The following ZNF717 variants were observed in gnomAD, a reference collection of about 807,000 sequenced individuals.
The protein encoded by ZNF717 is krueppel-like factor X17.
In ZNF717, 9 loss-of-function variants were observed where a neutral mutation model predicts 13.8. The observed-to-expected ratio is 0.65, with a 90% confidence interval of 0.39 to 1.14. The LOEUF (loss-of-function observed/expected upper bound fraction) is 1.14. ZNF717 is among the 50% of genes most tolerant of loss of function. The pLI is 0.01. For synonymous variants in ZNF717, 327 were observed against 364.1 expected (o/e 0.90, Z 1.16); for missense variants, 1,040 against 1,080.7 (o/e 0.96, Z 0.53).
intron 2 of ZNF717, among the ~76,000 whole-genome samples, chr3:75,772,104 C>A (rs1200128860): frequency 6.6e-6 from 1 of 152,262 alleles, no homozygotes; most frequent in Non-Finnish European, 1.5e-5. Flanking sequence ...TCAGCTCAAA[C>A]AGCCTGGGCA....
intron 2 of ZNF717, among the ~76,000 whole-genome samples, chr3:75,762,316 C>T (rs1943102395): frequency 6.6e-6 from 1 of 151,722 alleles, no homozygotes; most frequent in South Asian, 2.1e-4. Flanking sequence ...TGGCGTGCAC[C>T]TGTGATCCCA....
chr3:75,758,872 A>G (rs1027714365), intron 2 of ZNF717, among the ~76,000 whole-genome samples: 28 of 152,142 alleles, frequency 1.8e-4, no homozygotes, highest in African/African-American at 6.7e-4. Flanking sequence ...ACATGGTGGC[A>G]CGCACCTGTA....
rs1292332697 is a variant in ZNF717, at chr3:75,736,137, G to A, written c.*741C>T. On this transcript the variant is annotated 3_prime_UTR_variant, in exon 5 of 5. Coordinates refer to ENST00000652011, the MANE Select transcript of ZNF717 (RefSeq NM_001290208.3). ...CTCTATGGAAGATAGCAAACGTGAT[G>A]GAAAAATGTTGTGTTTGACTGCTTC... 6.6e-6 allele frequency: 1 copy of A among 152,298 alleles called. No homozygotes were observed. Among genetic ancestry groups the A allele is most frequent in the Non-Finnish European group, 1.5e-5 (1 of 68,088 alleles). The allele number at this position is 152,298 out of a possible 1,614,324, so 9.4% of individuals were successfully genotyped here.
At chr3:75,774,641 G>C (rs1944168007) in intron 2 of ZNF717, among the ~76,000 whole-genome samples, 1 of 97,188 alleles carries the variant, frequency 1.0e-5, no homozygotes, top group Non-Finnish European at 1.8e-5. Flanking sequence ...TTTTTTCTGA[G>C]ACAGAGTCTT....
downstream of ZNF717, among the ~76,000 whole-genome samples, chr3:75,735,340 A>G (rs1387024951): frequency 1.3e-5 from 2 of 152,132 alleles, no homozygotes; most frequent in Non-Finnish European, 2.9e-5. Flanking sequence ...AGTAAAAACC[A>G]AAGTATAGAA....
In ZNF717 at chr3:75,738,117, T is replaced by C. The variant is rs1163988611; in HGVS notation, c.1506A>G (p.Thr502=). ...SFLTIHQWTH[T]GEKPYECNEC... ...CATTGCATTCGTAGGGTTTTTCCCC[T>C]GTGTGAGTCCATTGATGGATAGTGA... is the stretch of plus-strand genomic sequence containing the variant. Residue 502 remains threonine, a synonymous_variant, in exon 5 of 5, where the codon ACA becomes ACG. Transcript: ENST00000652011. 5 of 613,090 alleles carry C rather than the reference T, an allele frequency of 8.2e-6. No individual in the cohort carries two copies. Among genetic ancestry groups the C allele is most frequent in the Non-Finnish European group, 9.0e-6 (4 of 446,710 alleles). 38.0% of individuals were successfully genotyped at this position (613,090 alleles called of 1,614,324 possible). A position where few individuals can be genotyped will look rare whatever the true frequency, so the allele number is the denominator to read the frequency against.
chr3:75,766,680 C>G (rs1943490662), intron 2 of ZNF717, among the ~76,000 whole-genome samples: 1 of 152,240 alleles, frequency 6.6e-6, no homozygotes, highest in African/African-American at 2.4e-5. Context: ...TGACAAAATC[C>G]TGACCCAAAT....
chr3:75,730,696 G>A (rs1225321176), intron 5 of ZNF717: 1 of 685,108 alleles, frequency 1.5e-6, no homozygotes, highest in Non-Finnish European at 2.6e-6. Context: ...CTAAGAGAAT[G>A]AAAGGATAAC....
intron 2 of ZNF717, among the ~76,000 whole-genome samples, chr3:75,761,998 C>G (rs1467747944): frequency 6.8e-6 from 1 of 148,050 alleles, no homozygotes; most frequent in East Asian, 2.0e-4. Context: ...AGGTTGCAGT[C>G]AGCTGAGATT....
chr3:75,780,404 G>A (rs1450374285), intron 2 of ZNF717, among the ~76,000 whole-genome samples: 1 of 152,174 alleles, frequency 6.6e-6, no homozygotes, highest in Non-Finnish European at 1.5e-5. Flanking sequence ...GACTAAAAAG[G>A]AGGAATTATT....
downstream of ZNF717, among the ~76,000 whole-genome samples, chr3:75,733,686 G>A (rs1938798395): frequency 7.0e-6 from 1 of 142,846 alleles, no homozygotes; most frequent in Non-Finnish European, 1.5e-5. Flanking sequence ...GGCTGAGGCA[G>A]GAGAATGGTA....
rs1940571130 is a variant in ZNF717, at chr3:75,742,287, G to GCA, written c.58-553_58-552dup. Among the ~76,000 whole-genome samples the GCA allele has an allele frequency of 2.1e-5, 3 of 139,994 alleles. No homozygotes were observed. In the South Asian group the frequency reaches 6.7e-4, roughly 31 times the overall value. 91.8% of individuals were successfully genotyped at this position (139,994 alleles called of 152,430 possible). A position where few individuals can be genotyped will look rare whatever the true frequency, so the allele number is the denominator to read the frequency against. ...TGCAGTGAGTTATGATCACACCACT[G>GCA]CACTCCAGCCTGACCAACAGAGAGC... On this transcript the variant is annotated intron_variant, in intron 2 of 4. Coordinates refer to ENST00000652011, the MANE Select transcript of ZNF717 (RefSeq NM_001290208.3).
rs76111663 is a variant in ZNF717 at position 75,738,089 on chromosome 3, A to G, written c.1534T>C (p.Cys512Arg). The G allele has an allele frequency of 7.4e-7, 1 of 1,350,020 alleles. No homozygotes were observed. The highest frequency in any genetic ancestry group is 9.9e-7 in the Non-Finnish European group (1 of 1,010,664). 83.6% of individuals were successfully genotyped at this position (1,350,020 alleles called of 1,614,324 possible). ...GACTTACAGCGAAAGGTTTTCCCACATTCATTGCATTCGTAGGGTTTTTCC... is the reference window on the plus strand; with the variant it reads ...GACTTACAGCGAAAGGTTTTCCCACGTTCATTGCATTCGTAGGGTTTTTCC... The part of the protein sequence containing the change: ...TGEKPYECNE[C>R]GKTFRCKSFL... The change falls in exon 5 of 5, where the codon TGT becomes CGT. Residue 512 changes from cysteine (C) to arginine (R), a missense_variant. By Grantham distance (180) the Cys-to-Arg change is radical. This residue lies in a region of ZNF717 where 873 missense variants were observed against 832.8 expected (regional missense o/e 1.05). Transcript: ENST00000652011.
At chr3:75,717,352 GC>G (rs1454120410) in intron 4 of ZNF717, among the ~76,000 whole-genome samples, 1 of 152,172 alleles carries the variant, frequency 6.6e-6, no homozygotes, top group Non-Finnish European at 1.5e-5. Flanking sequence ...TCTGTGAGCT[GC>G]TTTCCAAATT....
At chr3:75,715,086 T>C (rs1938020046) in intron 5 of ZNF717, among the ~76,000 whole-genome samples, 1 of 152,230 alleles carries the variant, frequency 6.6e-6, no homozygotes, top group Non-Finnish European at 1.5e-5. Context: ...CTAAAATTTA[T>C]TTGCCACGAT....
intron 2 of ZNF717, among the ~76,000 whole-genome samples, chr3:75,742,407 G>T (rs1303100909): frequency 1.3e-5 from 2 of 151,872 alleles, no homozygotes; most frequent in Non-Finnish European, 2.9e-5. Flanking sequence ...AACACATACT[G>T]GGAATAATGT....
exon 6 of ZNF717, chr3:75,711,083 T>C (rs1559569217): frequency 6.6e-6 from 1 of 152,222 alleles, no homozygotes. Flanking sequence ...TTCTTAAATA[T>C]GATATTTCAG....
At chr3:75,773,636 C>CGT (rs1944065445) in intron 2 of ZNF717, among the ~76,000 whole-genome samples, 32 of 114,130 alleles carry the variant, frequency 2.8e-4, no homozygotes, top group African/African-American at 9.5e-4. Flanking sequence ...ACCCCTTGAA[C>CGT]AGCATCTTGC....
At chr3:75,722,121 G>A (rs2324362) in intron 4 of ZNF717, among the ~76,000 whole-genome samples, 44,690 of 150,692 alleles carry the variant, frequency 0.3, 7,730 homozygotes, top group East Asian at 0.57. Context: ...TTAGCTGGGC[G>A]TGGTGGTGGG....
Sources: gnomAD v4.1 joint callset for allele counts (sites outside exome capture counted in the v4.1 genomes callset) on GRCh38, gnomAD v4.1.1 for gene constraint, gnomAD v4.1.1 regional missense constraint, MANE v1.5 for transcripts, NCBI Gene and HGNC (gene_info 2026-07-23, HGNC 2026-07-21) for gene names.